TEK: variants seen among roughly 807,000 people sequenced by gnomAD.
TEK encodes the protein TEK receptor tyrosine kinase.
In TEK, 43 loss-of-function variants were observed where a neutral mutation model predicts 131.8. That is an observed-to-expected ratio of 0.33 (90% CI 0.26 to 0.42). The LOEUF is 0.42. Ranked by LOEUF, TEK falls within the 10% of genes least tolerant of loss-of-function variation. The pLI is 1.00. For missense variants in TEK, 1,162 were observed against 1,384.4 expected, an observed-to-expected ratio of 0.84 and a Z score of 2.55; for synonymous variants, 580 against 491.6, an observed-to-expected ratio of 1.18 and a Z score of -2.38.
chr9:27,185,053 A>T (rs908973735), intron 8 of TEK, among the ~76,000 whole-genome samples: 1 of 149,856 alleles, frequency 6.7e-6, no homozygotes, highest in African/African-American at 2.4e-5. Context: ...AAAAAAAAAA[A>T]TGGCAGAGGT....
chr9:27,167,861 G>GT (rs35339701), intron 2 of TEK, among the ~76,000 whole-genome samples: 37,748 of 150,052 alleles, frequency 0.25, 4,905 homozygotes, highest in South Asian at 0.39. Context: ...TTTCATTCAT[G>GT]TTTTTTTTTT....
intron 1 of TEK, among the ~76,000 whole-genome samples, chr9:27,144,658 G>A (rs1307661670): frequency 6.6e-6 from 1 of 152,032 alleles, no homozygotes; most frequent in African/African-American, 2.4e-5. Flanking sequence ...TCCCAAATAG[G>A]TGGCACACAA....
Position 27,180,275 on chromosome 9 carries a change from C to T in TEK, c.937C>T (p.Leu313Phe). 3.7e-6 allele frequency: 6 copies of T among 1,613,834 alleles called. No individual in the cohort carries two copies. Among genetic ancestry groups the T allele is most frequent in the Non-Finnish European group, 5.1e-6 (6 of 1,179,868 alleles). ...TGGTTTTTACGGGCCAGATTGTAAG[C>T]TTAGGTGCAGCTGCAACAATGGGGA... The part of the protein sequence containing the change: ...HPGFYGPDCK[L>F]RCSCNNGEMC... The change falls in exon 7 of 23, where the codon CTT (leucine) becomes TTT (phenylalanine). Residue 313 changes from leucine (L) to phenylalanine (F), a missense_variant. Around this residue, in one of 6 missense-constraint regions of TEK, gnomAD observed 436 missense variants for 539.1 expected, o/e 0.81. Transcript: ENST00000380036.
At chr9:27,224,742 G>A (rs1826240964) in intron 21 of TEK, among the ~76,000 whole-genome samples, 2 of 152,150 alleles carry the variant, frequency 1.3e-5, no homozygotes, top group South Asian at 4.1e-4. Flanking sequence ...ACGTAGGATT[G>A]AAAGTTCTGG....
At chr9:27,178,260 T>C (rs879646581) in intron 6 of TEK, among the ~76,000 whole-genome samples, 23 of 152,084 alleles carry the variant, frequency 1.5e-4, no homozygotes, top group Admixed American at 2.6e-4. Flanking sequence ...TTGTTGAATC[T>C]GTTAACTGTA....
rs1418374590 is a variant in TEK at position 27,183,470 on chromosome 9, A to G, written c.1042A>G (p.Met348Val). ...TTTTCTTCCTTCAGGCATACAGAGG[A>G]TGACCCCAAAGATAGTGGATTTGCC... ...LQCEREGIQRMTPKIVDLPDH... is the reference protein window; with the variant it reads ...LQCEREGIQRVTPKIVDLPDH... Residue 348 changes from methionine (M) to valine (V), a missense_variant, in exon 8 of 23, where the codon ATG becomes GTG. Met to Val is a conservative substitution (Grantham distance 21). Around this residue, in one of 6 missense-constraint regions of TEK, gnomAD observed 436 missense variants for 539.1 expected, o/e 0.81. Transcript: ENST00000380036. The G allele has an allele frequency of 6.8e-6, 11 of 1,613,720 alleles. No homozygotes were observed. The highest frequency in any genetic ancestry group is 9.3e-6 in the Non-Finnish European group (11 of 1,179,784).
At chr9:27,121,962 C>G (rs75856838) in intron 1 of TEK, among the ~76,000 whole-genome samples, 3,154 of 152,310 alleles carry the variant, frequency 0.021, 119 homozygotes, top group African/African-American at 0.072. Context: ...TGTCTCAAAG[C>G]ACCGTCACGG....
intron 1 of TEK, among the ~76,000 whole-genome samples, chr9:27,114,828 T>C (rs1821486868): frequency 6.6e-6 from 1 of 152,192 alleles, no homozygotes; most frequent in South Asian, 2.1e-4. Flanking sequence ...AGGTATTGTA[T>C]GATTGTTGAA....
At chr9:27,175,333 C>T (rs988666452) in intron 6 of TEK, among the ~76,000 whole-genome samples, 51 of 150,368 alleles carry the variant, frequency 3.4e-4, no homozygotes, top group Non-Finnish European at 7.0e-4. Flanking sequence ...TTTTTTATGG[C>T]TGCATAGTAT....
At chr9:27,185,279 A>T (rs1564083217) in intron 8 of TEK, among the ~76,000 whole-genome samples, 1 of 152,180 alleles carries the variant, frequency 6.6e-6, no homozygotes, top group Non-Finnish European at 1.5e-5. Context: ...CAACAGCAGG[A>T]TCTGACAGGG....
chr9:27,158,248 T>A (rs1159802553), intron 2 of TEK, 106 bp downstream of exon 2: 1 of 1,299,774 alleles, frequency 7.7e-7, no homozygotes, highest in Admixed American at 1.7e-5. Context: ...TACCTGAATG[T>A]AGAGCTTGAC....
intron 1 of TEK, among the ~76,000 whole-genome samples, chr9:27,137,655 C>T (rs556220317): frequency 5.3e-4 from 77 of 145,890 alleles, no homozygotes; most frequent in African/African-American, 1.9e-3. Flanking sequence ...ACATAGTTCC[C>T]GTATGATTAA....
intron 1 of TEK, among the ~76,000 whole-genome samples, chr9:27,151,633 C>T (rs1823129509): frequency 6.6e-6 from 1 of 152,184 alleles, no homozygotes; most frequent in South Asian, 2.1e-4. Flanking sequence ...TTGTAATTCT[C>T]TCTCTTAGTA....
At chr9:27,114,913 TTCATTCAC>T (rs1210106763) in intron 1 of TEK, among the ~76,000 whole-genome samples, 2 of 152,214 alleles carry the variant, frequency 1.3e-5, no homozygotes, top group African/African-American at 4.8e-5. Context: ...CATTCATTCA[TTCATTCAC>T]TCATCTATCC....
intron 21 of TEK, among the ~76,000 whole-genome samples, chr9:27,220,827 T>C (rs1009287909): frequency 3.9e-5 from 6 of 152,202 alleles, no homozygotes; most frequent in South Asian, 2.1e-4. Context: ...AACAGGGCCA[T>C]GGGTTGCAAG....
rs541315775 is a variant in TEK, at chr9:27,143,438, C to A, written c.53-14393C>A. Among the ~76,000 whole-genome samples the A allele has an allele frequency of 9.4e-4, 143 of 152,224 alleles. 1 individual carries two copies. The highest frequency in any genetic ancestry group is 3.3e-3 in the African/African-American group (138 of 41,524). On this transcript the variant is annotated intron_variant, in intron 1 of 22. Transcript: ENST00000380036. ...GGAGAGCAGCCAGGGAGGGGGCACA[C>A]CTTGTCAGAATGAAGAGAAGAACCG...
intron 1 of TEK, among the ~76,000 whole-genome samples, chr9:27,112,368 C>G (rs1821380000): frequency 6.6e-6 from 1 of 152,146 alleles, no homozygotes; most frequent in Admixed American, 6.5e-5. Context: ...GGGTGGAGGT[C>G]TGAAAGCTGG....
chr9:27,217,843 A>G, intron 19 of TEK, 85 bp downstream of exon 19: 1 of 1,234,300 alleles, frequency 8.1e-7, no homozygotes, highest in Non-Finnish European at 1.2e-6. Flanking sequence ...AGATACAGGA[A>G]TGTCCTGTAG....
At chr9:27,123,797 G>A (rs1821888105) in intron 1 of TEK, among the ~76,000 whole-genome samples, 1 of 150,524 alleles carries the variant, frequency 6.6e-6, no homozygotes, top group South Asian at 2.3e-4. Context: ...TTATTCTTTT[G>A]AGATAGTCTC....
Sources: allele counts gnomAD v4.1 joint callset (sites outside exome capture counted in the v4.1 genomes callset), GRCh38; gene constraint gnomAD v4.1.1; regional missense constraint gnomAD v4.1.1; transcripts MANE v1.5; gene names NCBI Gene and HGNC (gene_info 2026-07-23, HGNC 2026-07-21).